Variants in DPP6 observed in about 807,000 individuals in gnomAD.
DPP6 encodes the protein A-type potassium channel modulatory protein DPP6.
A neutral mutation model predicts 122.6 loss-of-function variants in DPP6; 69 were observed. The ratio of observed to expected loss-of-function variants is 0.56; its 90% confidence interval spans 0.46 to 0.69. The LOEUF (loss-of-function observed/expected upper bound fraction) is 0.69. DPP6 is among the 30% of genes least tolerant of loss of function. The pLI is 0.00. For missense variants in DPP6, 928 were observed against 1,116.9 expected, an observed-to-expected ratio of 0.83 and a Z score of 2.41; for synonymous variants, 418 against 433.1, an observed-to-expected ratio of 0.97 and a Z score of 0.43.
chr7:154,020,833 T>A (rs933122405), intron 1 of DPP6, among the ~76,000 whole-genome samples: 2 of 151,984 alleles, frequency 1.3e-5, no homozygotes, highest in African/African-American at 2.4e-5. Flanking sequence ...ATGAGGCATT[T>A]AGGGGTGAAC....
intron 16 of DPP6, among the ~76,000 whole-genome samples, chr7:154,834,788 C>T (rs2150531358): frequency 6.6e-6 from 1 of 152,298 alleles, no homozygotes. Flanking sequence ...ATTTGTGGGC[C>T]AGCGACTGGA....
At chr7:154,272,468 C>G (rs1803858814) in intron 1 of DPP6, among the ~76,000 whole-genome samples, 1 of 152,174 alleles carries the variant, frequency 6.6e-6, no homozygotes. Flanking sequence ...GTGGCATTAC[C>G]AGTACTGTAC....
chr7:154,283,429 GT>G (rs1804656270), intron 1 of DPP6, among the ~76,000 whole-genome samples: 1 of 152,152 alleles, frequency 6.6e-6, no homozygotes, highest in African/African-American at 2.4e-5. Context: ...CACGGTACTT[GT>G]TAGTAAGAGT....
chr7:154,188,820 A>G (rs1798478816), intron 1 of DPP6, among the ~76,000 whole-genome samples: 1 of 152,244 alleles, frequency 6.6e-6, no homozygotes, highest in African/African-American at 2.4e-5. Flanking sequence ...AAAGAACAAA[A>G]TACAATAGGA....
intron 1 of DPP6, among the ~76,000 whole-genome samples, chr7:154,380,290 T>C (rs1410488879): frequency 2.6e-5 from 4 of 152,156 alleles, no homozygotes; most frequent in African/African-American, 7.2e-5. Flanking sequence ...CACGCTGAAG[T>C]ATTTTGGGGT....
intron 5 of DPP6, among the ~76,000 whole-genome samples, chr7:154,604,891 A>T (rs1204094364): frequency 8.3e-6 from 1 of 120,326 alleles, no homozygotes; most frequent in African/African-American, 2.6e-5. Context: ...GTCTTCCTAC[A>T]CTGGCTACTC....
At chr7:154,720,616 G>A (rs573981423) in intron 7 of DPP6, among the ~76,000 whole-genome samples, 23 of 152,322 alleles carry the variant, frequency 1.5e-4, no homozygotes, top group African/African-American at 5.5e-4. Context: ...GCATGGCAGG[G>A]GTTCCAGTGG....
the DPP6 span, among the ~76,000 whole-genome samples, chr7:153,813,020 T>C: frequency 6.6e-6 from 1 of 152,156 alleles, no homozygotes; most frequent in Non-Finnish European, 1.5e-5. Flanking sequence ...GAGGAAATTT[T>C]TTTTTATTAT....
rs181954986 is a variant in DPP6, at chr7:154,706,399, A to G, written c.763-21368A>G. ...GGCAGACCTCACAACCACCCAGACA[A>G]GACCCTCAGGGTGCCCTGTTGGCAC... On this transcript the variant is annotated intron_variant, in intron 7 of 25. Coordinates refer to ENST00000377770, the MANE Select transcript of DPP6 (RefSeq NM_130797.4). Among the ~76,000 whole-genome samples the G allele has an allele frequency of 6.6e-4, 101 of 152,226 alleles. 1 individual carries two copies. The highest frequency in any genetic ancestry group is 2.4e-3 in the African/African-American group (100 of 41,552).
rs546635450 is a variant in DPP6, at chr7:153,961,438, C to T, written c.51+73704C>T. On this transcript the variant is annotated intron_variant, in intron 1 of 25. Coordinates refer to the DPP6 transcript ENST00000404039. Reference sequence around the variant, plus strand: ...ATTCTAGGTTTATGGAGAGCACGCTCTTTTCAAAGAGCTTCCCTCGCTGCT... The same window carrying T: ...ATTCTAGGTTTATGGAGAGCACGCTTTTTTCAAAGAGCTTCCCTCGCTGCT... Among the ~76,000 whole-genome samples, 5 of 150,904 alleles carry T rather than the reference C, an allele frequency of 3.3e-5. No homozygotes were observed. The South Asian group carries it at 1.1e-3, about 32-fold the overall frequency.
Position 154,313,714 on chromosome 7 carries a change from T to TCGCGC in DPP6, c.244-132500_244-132499insCGCGC, listed in dbSNP as rs1554515598. On this transcript the variant is annotated intron_variant, in intron 1 of 25. Coordinates refer to ENST00000377770, the MANE Select transcript of DPP6 (RefSeq NM_130797.4). ...ATATATATATATATATATATATATA[T>TCGCGC]ACACACACACGCACGCACACACACA... is the stretch of plus-strand genomic sequence containing the variant. 6.2e-4 allele frequency among the ~76,000 whole-genome samples: 11 copies of TCGCGC among 17,786 alleles called. 3 individuals are homozygous for TCGCGC. In the Admixed American group the frequency reaches 8.0e-3, roughly 13 times the overall value. The allele number at this position is 17,786 out of a possible 152,430, so 11.7% of individuals were successfully genotyped here.
intron 1 of DPP6, among the ~76,000 whole-genome samples, chr7:154,205,213 A>G (rs1799377512): frequency 1.3e-5 from 2 of 152,124 alleles, no homozygotes; most frequent in Non-Finnish European, 2.9e-5. Flanking sequence ...TAATACAGAG[A>G]GAGCCCTTGT....
chr7:153,847,299 A>T, the DPP6 span, among the ~76,000 whole-genome samples: 1 of 151,818 alleles, frequency 6.6e-6, no homozygotes, highest in Non-Finnish European at 1.5e-5. Context: ...CCCTCTCTTC[A>T]CTCACTTATG....
At chr7:153,924,176 C>T (rs1055073520) in intron 1 of DPP6, among the ~76,000 whole-genome samples, 6 of 151,504 alleles carry the variant, frequency 4.0e-5, no homozygotes, top group East Asian at 2.0e-4. Context: ...AGTGCAATGG[C>T]GCGATCCCTG....
rs1331085727 is a variant in DPP6, at chr7:154,060,480, A to G, written c.243+7417A>G. 3.8e-5 allele frequency among the ~76,000 whole-genome samples: 5 copies of G among 130,808 alleles called. 1 individual carries two copies. Among genetic ancestry groups the G allele is most frequent in the Non-Finnish European group, 6.4e-5 (4 of 62,296 alleles). 85.8% of individuals were successfully genotyped at this position (130,808 alleles called of 152,430 possible). ...CTTCCCCCTCTGGCTTAGGACCTCC[A>G]TCGTTGATCCTAAGATCCTTAGGAC... On this transcript the variant is annotated intron_variant, in intron 1 of 25. Coordinates refer to ENST00000377770, the MANE Select transcript of DPP6 (RefSeq NM_130797.4).
chr7:154,472,735 C>G (rs1822389500), intron 2 of DPP6, among the ~76,000 whole-genome samples: 1 of 152,180 alleles, frequency 6.6e-6, no homozygotes, highest in Non-Finnish European at 1.5e-5. Flanking sequence ...AATGAGCCAT[C>G]TAGGTACAGA....
chr7:154,516,035 ATTTCT>A lies in DPP6; in HGVS notation c.458-24491_458-24487del, dbSNP rs1294525425. Among the ~76,000 whole-genome samples, 8 of 152,204 alleles carry A rather than the reference ATTTCT, an allele frequency of 5.3e-5. No homozygotes were observed. In the East Asian group the frequency reaches 1.5e-3, roughly 29 times the overall value. On this transcript the variant is annotated intron_variant, in intron 3 of 25. Coordinates refer to ENST00000377770, the MANE Select transcript of DPP6 (RefSeq NM_130797.4). ...TACATTACACCTACTACCTTTTCTG[ATTTCT>A]TTTCTCTCTTTTTCCTACAAATAAT...
intron 3 of DPP6, among the ~76,000 whole-genome samples, chr7:154,482,279 A>AG (rs1176780484): frequency 6.6e-6 from 1 of 151,990 alleles, no homozygotes; most frequent in Non-Finnish European, 1.5e-5. Context: ...CAACACCTAC[A>AG]GGCTCTGTGG....
At chr7:154,407,180 C>T (rs768897224) in intron 1 of DPP6, among the ~76,000 whole-genome samples, 31 of 152,206 alleles carry the variant, frequency 2.0e-4, no homozygotes, top group Non-Finnish European at 1.6e-4. Context: ...TGCCAACCTC[C>T]TCTTCCAACT....
Sources: gnomAD v4.1 joint callset for allele counts (sites outside exome capture counted in the v4.1 genomes callset) on GRCh38, gnomAD v4.1.1 for gene constraint, MANE v1.5 for transcripts, NCBI Gene and HGNC (gene_info 2026-07-23, HGNC 2026-07-21) for gene names.